Variants in COL24A1 observed in about 807,000 individuals in gnomAD.
COL24A1 encodes the protein collagen alpha-1(XXIV) chain.
Under a neutral mutation model 253.9 loss-of-function variants are expected in COL24A1, and 224 were observed. The ratio of observed to expected loss-of-function variants is 0.88; its 90% CI spans 0.79 to 0.99. COL24A1 has a LOEUF of 0.99. Ranked by LOEUF, COL24A1 falls within the 50% of genes least tolerant of loss-of-function variation. COL24A1 has a pLI of 0.00. For missense variants in COL24A1, 2,131 were observed against 2,068.5 expected (o/e 1.03, Z -0.59); for synonymous variants, 685 against 673.7 (o/e 1.02, Z -0.26).
chr1:86,125,274 ATGAGTGG>A lies in COL24A1; in HGVS notation c.1055_1061del (p.Thr352IlefsTer8). ...TATTCATTTTTGCCTCACTGATGCG[ATGAGTGG>A]TCACTGACAGGCTGAAATTTGTCTG... is the stretch of plus-strand genomic sequence containing the variant. On this transcript the variant is annotated frameshift_variant, in exon 3 of 60. Transcript: ENST00000370571. LOFTEE classifies it high-confidence loss of function. 6.2e-7 allele frequency: 1 copy of A among 1,613,636 alleles called. No homozygotes were observed. Among genetic ancestry groups the A allele is most frequent in the Non-Finnish European group, 8.5e-7 (1 of 1,179,802 alleles).
chr1:86,006,872 T>A lies in COL24A1; in HGVS notation c.2310+10279A>T, dbSNP rs1350035433. Among the ~76,000 whole-genome samples, 4 of 152,218 alleles carry A rather than the reference T, an allele frequency of 2.6e-5. No homozygotes were observed. In the South Asian group the frequency reaches 8.3e-4, roughly 32 times the overall value. ...GATATACAGATGGTAAATAAGCATA[T>A]GAACAGATGCTCCACATTATATGTC... On this transcript the variant is annotated intron_variant, in intron 19 of 59. Transcript: ENST00000370571.
intron 7 of COL24A1, among the ~76,000 whole-genome samples, chr1:86,075,299 T>C (rs540584042): frequency 4.0e-5 from 6 of 151,816 alleles, no homozygotes; most frequent in African/African-American, 1.5e-4. Context: ...TAGAAGAAAT[T>C]GATAAATTCC....
intron 5 of COL24A1, among the ~76,000 whole-genome samples, chr1:86,110,809 A>G (rs1705490128): frequency 1.3e-5 from 2 of 151,172 alleles, no homozygotes; most frequent in Admixed American, 6.6e-5. Context: ...GCAGCCCACC[A>G]TGCCCGACCC....
At chr1:86,089,517 T>C (rs1382950341) in intron 6 of COL24A1, among the ~76,000 whole-genome samples, 15 of 152,186 alleles carry the variant, frequency 9.9e-5, no homozygotes, top group Admixed American at 9.8e-4. Flanking sequence ...AGGTCTACCA[T>C]GTTTTAAAAA....
At chr1:85,975,142 G>C (rs1433273825) in intron 20 of COL24A1, among the ~76,000 whole-genome samples, 1 of 152,118 alleles carries the variant, frequency 6.6e-6, no homozygotes, top group Non-Finnish European at 1.5e-5. Context: ...TGAGAACACA[G>C]AGAAAGGGTG....
At chr1:86,120,788 C>G (rs1220987340) in intron 3 of COL24A1, among the ~76,000 whole-genome samples, 1 of 152,192 alleles carries the variant, frequency 6.6e-6, no homozygotes, top group Non-Finnish European at 1.5e-5. Flanking sequence ...CATCCCATTA[C>G]TAGGTATATA....
intron 23 of COL24A1, among the ~76,000 whole-genome samples, chr1:85,963,886 C>T (rs1351231609): frequency 6.6e-6 from 1 of 152,106 alleles, no homozygotes; most frequent in Non-Finnish European, 1.5e-5. Context: ...TTGTTAATCC[C>T]AGGCAAGGAG....
chr1:85,740,002 T>C (rs1664437950), intron 57 of COL24A1, among the ~76,000 whole-genome samples: 1 of 152,194 alleles, frequency 6.6e-6, no homozygotes, highest in Non-Finnish European at 1.5e-5. Flanking sequence ...CTAATGATCA[T>C]ATGTTCACTT....
At position 85,730,703 on chromosome 1, in the gene COL24A1, A is replaced by C. The variant is rs1399703737; in HGVS notation, c.4999-11T>G. The C allele has an allele frequency of 6.2e-7, 1 of 1,613,424 alleles. No homozygotes were observed. The highest frequency in any genetic ancestry group is 8.5e-7 in the Non-Finnish European group (1 of 1,179,706). The stretch of plus-strand genomic sequence containing the variant: ...GCTGCCATCTTGAATCTGTAAAATA[A>C]GAACAAAATGCTTTCATACGCATTT... On this transcript the variant is annotated splice_polypyrimidine_tract_variant and intron_variant, in intron 59 of 59. Transcript: ENST00000370571.
rs186841905 is a variant in COL24A1, at chr1:86,058,805, C to T, written c.1806+316G>A. ...AGAGTCTTAACTCTTACTATTACTT[C>T]ATTTTGTTCAGTGACAGTATTGTAA... On this transcript the variant is annotated intron_variant, in intron 9 of 59. Coordinates refer to ENST00000370571, the MANE Select transcript of COL24A1 (RefSeq NM_152890.7). Among the ~76,000 whole-genome samples the T allele has an allele frequency of 2.8e-3, 419 of 152,148 alleles. 2 individuals carry two copies. The highest frequency in any genetic ancestry group is 9.6e-3 in the African/African-American group (398 of 41,562).
intron 2 of COL24A1, among the ~76,000 whole-genome samples, chr1:86,133,871 T>A (rs371989517): frequency 6.6e-6 from 1 of 152,140 alleles, no homozygotes; most frequent in Non-Finnish European, 1.5e-5. Context: ...ATCAAATGAG[T>A]TAGGGAGGAT....
chr1:86,108,992 G>A (rs955316855), intron 5 of COL24A1, among the ~76,000 whole-genome samples: 1 of 152,118 alleles, frequency 6.6e-6, no homozygotes, highest in Non-Finnish European at 1.5e-5. Context: ...ACCTAGAAGG[G>A]GGAGAAGAAT....
At chr1:85,969,091 C>A (rs1571410467) in intron 22 of COL24A1, among the ~76,000 whole-genome samples, 1 of 151,974 alleles carries the variant, frequency 6.6e-6, no homozygotes, top group Admixed American at 6.6e-5. Context: ...ACTGTGTAGA[C>A]CAGAGTTGAA....
intron 14 of COL24A1, among the ~76,000 whole-genome samples, chr1:86,029,241 A>G (rs924016469): frequency 1.3e-5 from 2 of 152,178 alleles, no homozygotes; most frequent in African/African-American, 4.8e-5. Flanking sequence ...ATAAGTTTTA[A>G]GGAGGTGGTA....
At chr1:86,027,694 G>T (rs941951783) in intron 14 of COL24A1, among the ~76,000 whole-genome samples, 3 of 140,842 alleles carry the variant, frequency 2.1e-5, no homozygotes, top group Middle Eastern at 3.4e-3. Context: ...GAAGGGAAAT[G>T]TAGGGTCAGA....
chr1:86,013,034 G>A (rs1254034096), intron 19 of COL24A1, among the ~76,000 whole-genome samples: 2 of 152,102 alleles, frequency 1.3e-5, no homozygotes, highest in African/African-American at 2.4e-5. Flanking sequence ...ATGTATTAAT[G>A]TGTGTAATAA....
At chr1:85,888,262 T>A (rs866816208) in intron 32 of COL24A1, among the ~76,000 whole-genome samples, 3 of 152,112 alleles carry the variant, frequency 2.0e-5, no homozygotes, top group African/African-American at 7.2e-5. Flanking sequence ...GTAATTTGAC[T>A]GATGTTTACA....
chr1:85,984,862 A>G (rs1013047875), intron 20 of COL24A1, among the ~76,000 whole-genome samples: 3 of 151,832 alleles, frequency 2.0e-5, no homozygotes, highest in African/African-American at 7.2e-5. Context: ...CAGCAACCCA[A>G]GTCAAAGGCT....
intron 32 of COL24A1, among the ~76,000 whole-genome samples, chr1:85,887,756 T>G (rs1682680180): frequency 6.6e-6 from 1 of 152,148 alleles, no homozygotes; most frequent in African/African-American, 2.4e-5. Context: ...AACTCCTAAC[T>G]TACATGTCTG....
Sources: allele counts gnomAD v4.1 joint callset (sites outside exome capture counted in the v4.1 genomes callset), GRCh38; gene constraint gnomAD v4.1.1; transcripts MANE v1.5; gene names NCBI Gene and HGNC (gene_info 2026-07-23, HGNC 2026-07-21).